The following NFIB variants were observed in gnomAD, a reference collection of about 807,000 sequenced individuals.
The protein encoded by NFIB is nuclear factor 1 B-type.
A neutral mutation model predicts 61.5 loss-of-function variants in NFIB; 11 were observed. The ratio of observed to expected loss-of-function variants is 0.18; its 90% CI spans 0.11 to 0.30. The LOEUF is 0.30. Among genes scored for constraint, NFIB ranks in the 10% least tolerant of loss-of-function variants. NFIB has a pLI of 1.00. For synonymous variants in NFIB, 260 were observed against 216.5 expected (o/e 1.20, Z -1.76); for missense variants, 471 against 608.9 (o/e 0.77, Z 2.38).
intron 2 of NFIB, among the ~76,000 whole-genome samples, chr9:14,195,279 T>C (rs2048354397): frequency 6.6e-6 from 1 of 152,222 alleles, no homozygotes; most frequent in Non-Finnish European, 1.5e-5. Context: ...TGCAAAGCTC[T>C]GTCACTACCT....
At chr9:14,360,324 C>T (rs1231384001) in intron 1 of NFIB, among the ~76,000 whole-genome samples, 1 of 152,152 alleles carries the variant, frequency 6.6e-6, no homozygotes, top group East Asian at 1.9e-4. Flanking sequence ...AGGTCACTAG[C>T]AGTATGAACT....
chr9:14,424,310 C>T, the NFIB span, among the ~76,000 whole-genome samples: 1 of 152,128 alleles, frequency 6.6e-6, no homozygotes, highest in Non-Finnish European at 1.5e-5. Context: ...TTTTCCATTG[C>T]TGTATTCTGC....
intron 6 of NFIB, among the ~76,000 whole-genome samples, chr9:14,134,500 T>C (rs1342494461): frequency 6.6e-6 from 1 of 152,178 alleles, no homozygotes; most frequent in Non-Finnish European, 1.5e-5. Flanking sequence ...TATCTCTCTT[T>C]ATAATACAAA....
At chr9:14,485,854 G>T in the NFIB span, among the ~76,000 whole-genome samples, 1 of 151,848 alleles carries the variant, frequency 6.6e-6, no homozygotes, top group Admixed American at 6.6e-5. Context: ...CAGCCTGGGT[G>T]ACAGAGTGAG....
intron 2 of NFIB, among the ~76,000 whole-genome samples, chr9:14,194,480 G>A (rs755799751): frequency 6.6e-6 from 1 of 152,044 alleles, no homozygotes; most frequent in African/African-American, 2.4e-5. Flanking sequence ...ATAGGAAAAC[G>A]AATCCAACTT....
rs531075163 is a variant in NFIB at position 14,219,630 on chromosome 9, C to CA, written c.563-39851dup. 3.6e-3 allele frequency among the ~76,000 whole-genome samples: 546 copies of CA among 152,122 alleles called. 4 individuals are homozygous for CA. The highest frequency in any genetic ancestry group is 0.013 in the African/African-American group (529 of 41,486). ...TTTATGGAGGAGTTACTTTTGCTGGCATTTTGTTTTGTTTTGTTTCTTTTA... is the reference window on the plus strand; with the variant it reads ...TTTATGGAGGAGTTACTTTTGCTGGCAATTTTGTTTTGTTTTGTTTCTTTTA... On this transcript the variant is annotated intron_variant, in intron 2 of 10. Coordinates refer to ENST00000380953, the MANE Select transcript of NFIB (RefSeq NM_001190737.2).
chr9:14,301,495 C>A (rs1349638195), intron 2 of NFIB, among the ~76,000 whole-genome samples: 1 of 152,086 alleles, frequency 6.6e-6, no homozygotes, highest in Non-Finnish European at 1.5e-5. Flanking sequence ...TTTGCTGCCT[C>A]CAGAAAGTGG....
At chr9:14,315,539 T>C (rs2060503864), upstream of NFIB, among the ~76,000 whole-genome samples, 1 of 141,784 alleles carries the variant, frequency 7.1e-6, no homozygotes, top group Non-Finnish European at 1.6e-5. Context: ...CGCCCGGGGC[T>C]GCGGGGCGGG....
At chr9:14,488,293 G>T in the NFIB span, among the ~76,000 whole-genome samples, 111 of 151,792 alleles carry the variant, frequency 7.3e-4, 1 homozygote, top group South Asian at 1.9e-3. Flanking sequence ...AGCCCAGGAG[G>T]TAAAGGCTTC....
chr9:14,116,314 C>T lies in NFIB; in HGVS notation c.1278G>A (p.Val426=). The change falls in exon 9 of 11, where the codon GTG becomes GTA. Residue 426 remains valine, a synonymous_variant. Coordinates refer to ENST00000380953, the MANE Select transcript of NFIB (RefSeq NM_001190737.2). ...CCAAGACAGGAGTGAAATGGCCAGG[C>T]ACTTTCCCTACTACTTGACCACTGC... ...PNGSGQVVGK[V]PGHFTPVLAP... 1.3e-6 allele frequency: 2 copies of T among 1,534,446 alleles called. No homozygotes were observed. Among genetic ancestry groups the T allele is most frequent in the Admixed American group, 2.1e-5 (1 of 48,604 alleles).
chr9:14,332,904 C>T (rs924413138), intron 1 of NFIB, among the ~76,000 whole-genome samples: 6 of 152,102 alleles, frequency 3.9e-5, no homozygotes, highest in Admixed American at 2.6e-4. Context: ...TCAATGAGGT[C>T]GGAAGGGTGG....
chr9:14,505,395 G>C, the NFIB span, among the ~76,000 whole-genome samples: 1 of 152,106 alleles, frequency 6.6e-6, no homozygotes, highest in Non-Finnish European at 1.5e-5. Flanking sequence ...GGATTCCCTA[G>C]GGGGACATTT....
the NFIB span, among the ~76,000 whole-genome samples, chr9:14,462,440 G>T: frequency 6.6e-6 from 1 of 151,802 alleles, no homozygotes; most frequent in African/African-American, 2.4e-5. Context: ...CCGCCACCAC[G>T]CCCGGCTAAT....
intron 2 of NFIB, among the ~76,000 whole-genome samples, chr9:14,229,424 T>C (rs2052843456): frequency 6.6e-6 from 1 of 152,174 alleles, no homozygotes; most frequent in Admixed American, 6.5e-5. Flanking sequence ...TCAGTAGACA[T>C]TAATTGAGCA....
At chr9:14,152,916 C>T (rs1412850684) in intron 4 of NFIB, among the ~76,000 whole-genome samples, 1 of 151,860 alleles carries the variant, frequency 6.6e-6, no homozygotes, top group Non-Finnish European at 1.5e-5. Flanking sequence ...TGGGTAAAAA[C>T]ATACAGTTAT....
chr9:14,386,967 G>A (rs962900427), intron 1 of NFIB, among the ~76,000 whole-genome samples: 5 of 152,164 alleles, frequency 3.3e-5, no homozygotes, highest in African/African-American at 7.2e-5. Flanking sequence ...ATATCACACT[G>A]TAAACTCTGA....
intron 2 of NFIB, among the ~76,000 whole-genome samples, chr9:14,182,191 C>T (rs2046853577): frequency 6.6e-6 from 1 of 152,098 alleles, no homozygotes; most frequent in African/African-American, 2.4e-5. Flanking sequence ...CTAAAAAAAC[C>T]ACAAGCATTT....
chr9:14,377,337 T>A (rs1230168908), intron 1 of NFIB, among the ~76,000 whole-genome samples: 2 of 152,206 alleles, frequency 1.3e-5, no homozygotes, highest in African/African-American at 4.8e-5. Context: ...CGCCTCAGCC[T>A]TCTGAGTAGC....
At chr9:14,136,482 A>G (rs1018655566) in intron 6 of NFIB, among the ~76,000 whole-genome samples, 14 of 152,216 alleles carry the variant, frequency 9.2e-5, no homozygotes, top group African/African-American at 3.1e-4. Context: ...AAAGTCAGAA[A>G]GATACTGGAA....
Sources: allele counts gnomAD v4.1 joint callset (sites outside exome capture counted in the v4.1 genomes callset), GRCh38; gene constraint gnomAD v4.1.1; transcripts MANE v1.5; gene names NCBI Gene and HGNC (gene_info 2026-07-23, HGNC 2026-07-21).